GSE1: variants seen among roughly 807,000 people sequenced by gnomAD.
GSE1 encodes Gse1 coiled-coil protein.
A neutral mutation model predicts 112.6 loss-of-function variants in GSE1; 32 were observed. The ratio of observed to expected loss-of-function variants is 0.28; its 90% confidence interval spans 0.21 to 0.38. The LOEUF (loss-of-function observed/expected upper bound fraction) is 0.38, where lower values mean the gene tolerates loss of function less well. Ranked by LOEUF, GSE1 falls within the 10% of genes least tolerant of loss-of-function variation. The pLI is 1.00. For synonymous variants in GSE1, 1,115 were observed against 735.6 expected (o/e 1.52, Z -8.35); for missense variants, 2,348 against 1,699.2 (o/e 1.38, Z -6.71).
intron 1 of GSE1, among the ~76,000 whole-genome samples, chr16:85,258,131 G>A (rs1186807348): frequency 1.3e-5 from 2 of 152,212 alleles, no homozygotes; most frequent in African/African-American, 4.8e-5. Flanking sequence ...AGGGTAGAGT[G>A]TGCACCTAGA....
intron 1 of GSE1, among the ~76,000 whole-genome samples, chr16:85,625,343 C>T (rs959262454): frequency 1.3e-5 from 2 of 152,230 alleles, no homozygotes; most frequent in Admixed American, 6.5e-5. Context: ...AGTCCGTGGC[C>T]GTGAACCTCA....
chr16:85,316,414 G>A (rs1215743372), intron 1 of GSE1, among the ~76,000 whole-genome samples: 2 of 152,164 alleles, frequency 1.3e-5, no homozygotes, highest in African/African-American at 2.4e-5. Flanking sequence ...CCCTAGCCAC[G>A]TGTGGCCCAG....
At chr16:85,653,160 C>G (rs1348667772) in intron 3 of GSE1, among the ~76,000 whole-genome samples, 2 of 140,436 alleles carry the variant, frequency 1.4e-5, no homozygotes, top group Non-Finnish European at 3.1e-5. Flanking sequence ...GCACAGCCCC[C>G]ATCTGGGCCG....
chr16:85,214,570 G>C (rs1271731385), intron 1 of GSE1, among the ~76,000 whole-genome samples: 1 of 152,128 alleles, frequency 6.6e-6, no homozygotes, highest in African/African-American at 2.4e-5. Context: ...TCTCCTAACC[G>C]AACTGCACCG....
rs529295264 is a variant in GSE1 at position 85,423,417 on chromosome 16, T to C, written c.2464+65774T>C. ...TGAGATCCCTGGAGGGCTTCGGAAGTCACCCCCAGCCAGAGTCCCAGCTGC... is the reference window on the plus strand; with the variant it reads ...TGAGATCCCTGGAGGGCTTCGGAAGCCACCCCCAGCCAGAGTCCCAGCTGC... On this transcript the variant is annotated intron_variant, in intron 2 of 2. Coordinates refer to the GSE1 transcript ENST00000637419. 5.0e-3 allele frequency among the ~76,000 whole-genome samples: 765 copies of C among 152,256 alleles called. 5 individuals carry two copies. The highest frequency in any genetic ancestry group is 7.5e-3 in the Non-Finnish European group (508 of 68,002).
At chr16:85,337,652 G>T (rs1447105090) in intron 1 of GSE1, among the ~76,000 whole-genome samples, 1 of 151,808 alleles carries the variant, frequency 6.6e-6, no homozygotes, top group East Asian at 1.9e-4. Flanking sequence ...GCGCAGGGAT[G>T]GGCTGGGGGC....
At chr16:85,547,932 C>G (rs957257236) in intron 2 of GSE1, among the ~76,000 whole-genome samples, 1 of 142,764 alleles carries the variant, frequency 7.0e-6, no homozygotes, top group African/African-American at 2.6e-5. Context: ...TTTCTTTATT[C>G]TAGAAATATT....
chr16:85,590,635 C>T (rs1440590699), intron 1 of GSE1, among the ~76,000 whole-genome samples: 4 of 151,440 alleles, frequency 2.6e-5, no homozygotes, highest in African/African-American at 9.7e-5. Flanking sequence ...ATGCGTGGGC[C>T]TGTGTGTGAG....
At chr16:85,438,200 T>A (rs944359953) in intron 2 of GSE1, among the ~76,000 whole-genome samples, 12 of 152,148 alleles carry the variant, frequency 7.9e-5, no homozygotes, top group African/African-American at 2.9e-4. Flanking sequence ...GTAGACACTC[T>A]GTAGAGTGTG....
chr16:85,347,374 G>T (rs972736238), intron 1 of GSE1, among the ~76,000 whole-genome samples: 1 of 152,138 alleles, frequency 6.6e-6, no homozygotes, highest in African/African-American at 2.4e-5. Flanking sequence ...CCCTGGCCCG[G>T]CTGGATTCCC....
At position 85,648,604 on chromosome 16, in the gene GSE1, C is replaced by G; in HGVS notation, c.279C>G (p.His93Gln). 6.2e-7 allele frequency: 1 copy of G among 1,605,816 alleles called. No homozygotes were observed. The highest frequency in any genetic ancestry group is 8.5e-7 in the Non-Finnish European group (1 of 1,176,084). The part of the protein sequence containing the change: ...SSPVSSPATN[H>Q]SSPASTPKRV... ...CCGTGTCCTCTCCGGCCACCAACCA[C>G]AGCTCCCCCGCCAGCACACCCAAGC... The change falls in exon 3 of 16, where the codon CAC (histidine) becomes CAG (glutamine). Residue 93 changes from histidine (H) to glutamine (Q), a missense_variant. Coordinates refer to ENST00000253458, the MANE Select transcript of GSE1 (RefSeq NM_014615.5).
intron 2 of GSE1, among the ~76,000 whole-genome samples, chr16:85,418,460 A>T (rs2048752965): frequency 6.6e-6 from 1 of 152,170 alleles, no homozygotes; most frequent in Non-Finnish European, 1.5e-5. Context: ...CTGCCCATCC[A>T]GATCAGCCCT....
At chr16:85,454,352 C>T (rs1046430843) in intron 2 of GSE1, among the ~76,000 whole-genome samples, 6 of 152,234 alleles carry the variant, frequency 3.9e-5, no homozygotes, top group Admixed American at 6.5e-5. Flanking sequence ...GCTACCCATG[C>T]GGCAGGGGAG....
chr16:85,362,501 G>T (rs1384726463), intron 2 of GSE1, among the ~76,000 whole-genome samples: 3 of 152,192 alleles, frequency 2.0e-5, no homozygotes, highest in Non-Finnish European at 4.4e-5. Flanking sequence ...CCCGGCCATG[G>T]AGCCTTCTCA....
intron 13 of GSE1, 106 bp downstream of exon 13, chr16:85,666,453 TATAAACTCCAATCACCAGAAGAAA>T: frequency 9.8e-7 from 1 of 1,022,724 alleles, no homozygotes; most frequent in Non-Finnish European, 1.5e-6. Flanking sequence ...CACAAGTTTT[TATAAACTCCAATCACCAGAAGAAA>T]ATAATTTCGT....
chr16:85,667,476 G>GC (rs934058455), intron 13 of GSE1, among the ~76,000 whole-genome samples: 3 of 152,222 alleles, frequency 2.0e-5, no homozygotes, highest in African/African-American at 7.2e-5. Context: ...GGAGGGCAGA[G>GC]CCCCATTATG....
rs1355033504 is a variant in GSE1, at chr16:85,633,762, G to C, written c.8-152G>C. ...CGGGGTCTGTTCTCTCTGCAGCGCTGGCTCTGTCCTGTTCTTGCTTGTCCT... is the reference window on the plus strand; with the variant it reads ...CGGGGTCTGTTCTCTCTGCAGCGCTCGCTCTGTCCTGTTCTTGCTTGTCCT... On this transcript the variant is annotated intron_variant, in intron 1 of 15. Coordinates refer to ENST00000253458, the MANE Select transcript of GSE1 (RefSeq NM_014615.5). 4 of 609,086 alleles carry C rather than the reference G, an allele frequency of 6.6e-6. No homozygotes were observed. The East Asian group carries it at 1.1e-4, about 17-fold the overall frequency. 37.7% of individuals were successfully genotyped at this position (609,086 alleles called of 1,614,324 possible). A position where few individuals can be genotyped will look rare whatever the true frequency, so the allele number is the denominator to read the frequency against.
chr16:85,355,896 G>A (rs1377121975), intron 1 of GSE1, among the ~76,000 whole-genome samples: 3 of 151,926 alleles, frequency 2.0e-5, no homozygotes, highest in East Asian at 1.9e-4. Flanking sequence ...GCATGGGGGC[G>A]GGCACCTGTA....
chr16:85,389,782 C>T (rs570778112), intron 2 of GSE1, among the ~76,000 whole-genome samples: 61 of 152,320 alleles, frequency 4.0e-4, no homozygotes, highest in Non-Finnish European at 6.9e-4. Flanking sequence ...ATTGAATCCC[C>T]ACGAGCCTGC....
Sources: allele counts gnomAD v4.1 joint callset (sites outside exome capture counted in the v4.1 genomes callset), GRCh38; gene constraint gnomAD v4.1.1; transcripts MANE v1.5; gene names NCBI Gene and HGNC (gene_info 2026-07-23, HGNC 2026-07-21).